Variants in TMEM200C observed in about 807,000 individuals in gnomAD.
TMEM200C encodes the protein transmembrane protein 200C, also known as transmembrane protein TTMA.
For missense variants in TMEM200C, 966 were observed against 699.9 expected, an observed-to-expected ratio of 1.38 and a Z score of -4.29; for synonymous variants, 462 against 324.7, an observed-to-expected ratio of 1.42 and a Z score of -4.55.
intron 1 of TMEM200C, 86 bp from the exon 1 acceptor site, chr18:5,895,608 C>A (rs960334741): frequency 4.1e-5 from 6 of 146,358 alleles, no homozygotes; most frequent in Non-Finnish European, 6.1e-5. Context: ...GGCGCCCCCC[C>A]CCACGCCGCC....
Position 5,891,216 on chromosome 18 carries a change from G to A in TMEM200C, c.848C>T (p.Ser283Leu). The change falls in exon 3 of 3, where the codon TCG becomes TTG. Residue 283 changes from serine (S) to leucine (L), a missense_variant. Transcript: ENST00000581347. This position sits in a 1 kb window ranked among gnomAD's most constrained non-coding sequence, Gnocchi z 4.7. ...CGGCGCCGCGGGGTGAGGAGGCCAC[G>A]AGCCCTTGGCCAGCATCGCCGCCGC... The A allele has an allele frequency of 8.3e-7, 1 of 1,202,596 alleles. No homozygotes were observed. Among genetic ancestry groups the A allele is most frequent in the Non-Finnish European group, 1.1e-6 (1 of 931,792 alleles). The allele number at this position is 1,202,596 out of a possible 1,614,324, so 74.5% of individuals were successfully genotyped here. A position where few individuals can be genotyped will look rare whatever the true frequency, so the allele number is the denominator to read the frequency against.
exon 3 of TMEM200C, chr18:5,888,200 G>A (rs961504251): frequency 1.3e-5 from 2 of 152,334 alleles, no homozygotes; most frequent in Middle Eastern, 3.4e-3. Context: ...CTTTGGAAGT[G>A]TGATAAAGCA....
exon 3 of TMEM200C, chr18:5,882,684 G>T (rs1428378492): frequency 1.3e-5 from 2 of 151,828 alleles, no homozygotes; most frequent in African/African-American, 4.8e-5. Context: ...ATTACTTTTC[G>T]GTCTTTTTTA....
chr18:5,884,821 T>A (rs998412689), exon 3 of TMEM200C: 4 of 152,074 alleles, frequency 2.6e-5, no homozygotes, highest in Admixed American at 1.3e-4. Context: ...ACTTTTAGAT[T>A]TTTTTTTCTT....
chr18:5,890,127 C>CGTTTCT, exon 3 of TMEM200C: 3 of 1,366,414 alleles, frequency 2.2e-6, no homozygotes, highest in Non-Finnish European at 2.9e-6. Context: ...AAACAGGGAC[C>CGTTTCT]TGTTAATGCA....
chr18:5,893,593 A>C (rs1042714039), intron 2 of TMEM200C, among the ~76,000 whole-genome samples: 1 of 152,208 alleles, frequency 6.6e-6, no homozygotes, highest in African/African-American at 2.4e-5. Context: ...TTGCTCTTCT[A>C]TCCTTTATCA....
At position 5,890,399 on chromosome 18, in the gene TMEM200C, A is replaced by T. The variant is rs547495248; in HGVS notation, c.1665T>A (p.Ala555=). The T allele has an allele frequency of 2.5e-6, 4 of 1,579,506 alleles. No homozygotes were observed. The South Asian group carries it at 4.7e-5, about 18-fold the overall frequency. ...CCACAGCAGAGTCTCGCGTTTGACC[A>T]GCTACTGCGTCCAAGACCGACTCGG... Residue 555 remains alanine (A), a synonymous_variant, in exon 3 of 3, where the codon GCT becomes GCA. Transcript: ENST00000581347.
At chr18:5,890,018 C>A in exon 3 of TMEM200C, 1 of 473,404 alleles carries the variant, frequency 2.1e-6, no homozygotes, top group Non-Finnish European at 3.4e-6. Flanking sequence ...AAAAAAAAAT[C>A]CTTGGAGTTA....
rs1213175245 is a variant in TMEM200C at position 5,891,291 on chromosome 18, C to A, written c.773G>T (p.Gly258Val). The stretch of plus-strand genomic sequence containing the variant: ...GCAGCCCCCGGGCTTCAGCTCCAGG[C>A]CCCGCGACTGCACGTAGCTGAGGAA... The change falls in exon 3 of 3, where the codon GGC (glycine) becomes GTC (valine). Residue 258 changes from glycine to valine, a missense_variant. Coordinates refer to ENST00000581347, the Ensembl canonical transcript of TMEM200C. This position sits in a 1 kb window ranked among gnomAD's most constrained non-coding sequence, Gnocchi z 4.7. 2.1e-6 allele frequency: 3 copies of A among 1,414,946 alleles called. No homozygotes were observed. The highest frequency in any genetic ancestry group is 2.8e-6 in the Non-Finnish European group (3 of 1,079,610). The allele number at this position is 1,414,946 out of a possible 1,614,324, so 87.6% of individuals were successfully genotyped here. A position where few individuals can be genotyped will look rare whatever the true frequency, so the allele number is the denominator to read the frequency against.
exon 3 of TMEM200C, chr18:5,892,157 G>A: frequency 8.2e-7 from 1 of 1,223,184 alleles, no homozygotes; most frequent in Non-Finnish European, 1.1e-6. Context: ...ACCTCCTCCT[G>A]CTGCAAAGCA....
chr18:5,891,209 A>T lies in TMEM200C; in HGVS notation c.855T>A (p.Pro285=). 9.3e-7 allele frequency: 1 copy of T among 1,070,840 alleles called. No individual in the cohort carries two copies. Among genetic ancestry groups the T allele is most frequent in the Non-Finnish European group, 1.2e-6 (1 of 829,300 alleles). 66.3% of individuals were successfully genotyped at this position (1,070,840 alleles called of 1,614,324 possible). ...CGCCGCTCGGCGCCGCGGGGTGAGGAGGCCACGAGCCCTTGGCCAGCATCG... is the reference window on the plus strand; with the variant it reads ...CGCCGCTCGGCGCCGCGGGGTGAGGTGGCCACGAGCCCTTGGCCAGCATCG... Residue 285 remains proline, a synonymous_variant, in exon 3 of 3, where the codon CCT becomes CCA. Transcript: ENST00000581347. The surrounding 1 kb of genome is among the most constrained non-coding windows in gnomAD (Gnocchi z 4.7).
At chr18:5,890,723 C>G (rs1339303788) in exon 3 of TMEM200C, 177 of 528,452 alleles carry the variant, frequency 3.3e-4, no homozygotes, top group Non-Finnish European at 7.5e-5. Context: ...CGGCGCGCGC[C>G]GCTACCGCGC....
At chr18:5,890,123 G>C in exon 3 of TMEM200C, 1 of 1,348,974 alleles carries the variant, frequency 7.4e-7, no homozygotes, top group African/African-American at 1.5e-5. Flanking sequence ...AAAGAAACAG[G>C]GACCTGTTAA....
Position 5,891,007 on chromosome 18 carries a change from G to T in TMEM200C, c.1057C>A (p.Pro353Thr), listed in dbSNP as rs973541033. The stretch of plus-strand genomic sequence containing the variant: ...CTCTCGGGTGGGCTGCAGGGCGCCG[G>T]ACTGCTGCAGCTGCTAGCGGCTGCG... Residue 353 changes from proline (P) to threonine (T), a missense_variant, in exon 3 of 3, where the codon CCG (proline) becomes ACG (threonine). Pro to Thr is a conservative substitution (Grantham distance 38, BLOSUM62 -1). Coordinates refer to ENST00000581347, the Ensembl canonical transcript of TMEM200C. This position sits in a 1 kb window ranked among gnomAD's most constrained non-coding sequence, Gnocchi z 4.7. 4 of 625,242 alleles carry T rather than the reference G, an allele frequency of 6.4e-6. No individual in the cohort carries two copies. Among genetic ancestry groups the T allele is most frequent in the Non-Finnish European group, 8.5e-6 (3 of 351,780 alleles). 38.7% of individuals were successfully genotyped at this position (625,242 alleles called of 1,614,324 possible). A position where few individuals can be genotyped will look rare whatever the true frequency, so the allele number is the denominator to read the frequency against.
At chr18:5,884,219 G>T (rs1251811214) in exon 3 of TMEM200C, 1 of 151,996 alleles carries the variant, frequency 6.6e-6, no homozygotes, top group Non-Finnish European at 1.5e-5. Flanking sequence ...ACACCTCTAT[G>T]CTATGGAGAT....
chr18:5,895,374 C>T (rs2095175036), exon 2 of TMEM200C: 1 of 151,458 alleles, frequency 6.6e-6, no homozygotes, highest in Non-Finnish European at 1.5e-5. Flanking sequence ...CCTGCGGCCG[C>T]GCCGCCGGCC....
At chr18:5,885,990 A>G (rs1341439938) in exon 3 of TMEM200C, 1 of 152,158 alleles carries the variant, frequency 6.6e-6, no homozygotes, top group Non-Finnish European at 1.5e-5. Context: ...AAAAATATCC[A>G]TCTTAAACTG....
At position 5,891,652 on chromosome 18, in the gene TMEM200C, G is replaced by A; in HGVS notation, c.412C>T (p.Arg138Ter). ...GAGGAGGAGGACGGGGAGGCGGCTC[G>A]TGCTGGAGGCGTGCTCCTGGGCGCG... Residue 138 changes from arginine to a stop codon, truncating the protein, a stop_gained, in exon 3 of 3, where the codon CGA (arginine) becomes TGA (stop). Coordinates refer to ENST00000581347, the Ensembl canonical transcript of TMEM200C. LOFTEE classifies it low-confidence loss of function (END_TRUNC). The surrounding 1 kb of genome is among the most constrained non-coding windows in gnomAD (Gnocchi z 4.7). 1 of 1,613,798 alleles carries A rather than the reference G, an allele frequency of 6.2e-7. No individual in the cohort carries two copies. Among genetic ancestry groups the A allele is most frequent in the Non-Finnish European group, 8.5e-7 (1 of 1,179,846 alleles).
chr18:5,888,098 G>C (rs1213317324), exon 3 of TMEM200C: 1 of 152,146 alleles, frequency 6.6e-6, no homozygotes, highest in African/African-American at 2.4e-5. Context: ...ACCAGAACCT[G>C]TTTTCCCCTT....
Sources: gnomAD v4.1 joint callset for allele counts (sites outside exome capture counted in the v4.1 genomes callset) on GRCh38, gnomAD v4.1.1 for gene constraint, Gnocchi (gnomAD v3.1) non-coding constraint, MANE v1.5 for transcripts, NCBI Gene and HGNC (gene_info 2026-07-23, HGNC 2026-07-21) for gene names.